Variants in DCBLD1 observed in about 807,000 individuals in gnomAD.
DCBLD1 encodes the protein discoidin, CUB and LCCL domain-containing protein 1.
A neutral mutation model predicts 71.5 loss-of-function variants in DCBLD1; 57 were observed. The ratio of observed to expected loss-of-function variants is 0.80; its 90% CI spans 0.64 to 0.99. DCBLD1 has a LOEUF of 0.99. Among genes scored for constraint, DCBLD1 ranks in the 50% least tolerant of loss-of-function variants. DCBLD1 has a pLI of 0.00. For synonymous variants in DCBLD1, 380 were observed against 363.8 expected, an observed-to-expected ratio of 1.04 and a Z score of -0.51; for missense variants, 891 against 923.5, an observed-to-expected ratio of 0.96 and a Z score of 0.46.
chr6:117,489,865 A>G (rs1403721631), intron 1 of DCBLD1, among the ~76,000 whole-genome samples: 1 of 152,216 alleles, frequency 6.6e-6, no homozygotes, highest in Non-Finnish European at 1.5e-5. Flanking sequence ...AGCCTGGGTG[A>G]CAGAGCGAGA....
chr6:117,519,586 A>G (rs1210367906), intron 2 of DCBLD1, among the ~76,000 whole-genome samples: 1 of 152,208 alleles, frequency 6.6e-6, no homozygotes, highest in African/African-American at 2.4e-5. Flanking sequence ...ACAGTTAACT[A>G]GTTCCAGCCT....
At chr6:117,527,963 CCTT>C (rs1174230048) in intron 5 of DCBLD1, among the ~76,000 whole-genome samples, 1 of 152,160 alleles carries the variant, frequency 6.6e-6, no homozygotes, top group African/African-American at 2.4e-5. Context: ...TCTCTTGGCA[CCTT>C]CTCCCCAGCC....
At position 117,489,072 on chromosome 6, in the gene DCBLD1, A is replaced by C. The variant is rs148920330; in HGVS notation, c.112+6179A>C. Among the ~76,000 whole-genome samples, 848 of 152,294 alleles carry C rather than the reference A, an allele frequency of 5.6e-3. 7 individuals carry two copies. The highest frequency in any genetic ancestry group is 0.019 in the African/African-American group (781 of 41,544). On this transcript the variant is annotated intron_variant, in intron 1 of 14. Transcript: ENST00000338728. Reference sequence around the variant, plus strand: ...TATTAGTCTGTTCTGTGTTGCTGTAAGGGAATATCTGAGGCTGGGAAATTT... The same window carrying C: ...TATTAGTCTGTTCTGTGTTGCTGTACGGGAATATCTGAGGCTGGGAAATTT...
At chr6:117,485,154 A>G (rs2114345209) in intron 1 of DCBLD1, 1 of 152,320 alleles carries the variant, frequency 6.6e-6, no homozygotes, top group African/African-American at 2.4e-5. Flanking sequence ...ATTTAGTCCA[A>G]ATTTATTACC....
At position 117,488,166 on chromosome 6, in the gene DCBLD1, C is replaced by T. The variant is rs1777155059; in HGVS notation, c.112+5273C>T. 2.6e-5 allele frequency among the ~76,000 whole-genome samples: 4 copies of T among 152,322 alleles called. No individual in the cohort carries two copies. In the South Asian group the frequency reaches 6.2e-4, roughly 24 times the overall value. ...TGAATCTCAGCCTCTTCTTTCACCGCTAGCACCCAGTACGGTGCCTGGCAC... is the reference window on the plus strand; with the variant it reads ...TGAATCTCAGCCTCTTCTTTCACCGTTAGCACCCAGTACGGTGCCTGGCAC... On this transcript the variant is annotated intron_variant, in intron 1 of 14. Transcript: ENST00000338728.
At chr6:117,566,945 A>G in intron 14 of DCBLD1, 1 of 1,611,974 alleles carries the variant, frequency 6.2e-7, no homozygotes, top group Non-Finnish European at 8.5e-7. Context: ...AACGGTAACG[A>G]TGTCCACTCT....
chr6:117,508,301 A>C (rs544179193), intron 2 of DCBLD1, among the ~76,000 whole-genome samples: 163 of 152,320 alleles, frequency 1.1e-3, no homozygotes, highest in African/African-American at 3.5e-3. Flanking sequence ...ATTTAAGATG[A>C]CTGCCTTGGT....
chr6:117,558,764 C>T (rs1383491764), intron 14 of DCBLD1, among the ~76,000 whole-genome samples: 2 of 152,112 alleles, frequency 1.3e-5, no homozygotes, highest in African/African-American at 2.4e-5. Context: ...ACCTAGGAGT[C>T]AAGGTTTTAG....
chr6:117,491,119 A>AT (rs1221941302), intron 1 of DCBLD1, among the ~76,000 whole-genome samples: 1 of 152,236 alleles, frequency 6.6e-6, no homozygotes, highest in Admixed American at 6.5e-5. Flanking sequence ...AGTGGATTTA[A>AT]TTCAGCCTTT....
intron 6 of DCBLD1, among the ~76,000 whole-genome samples, chr6:117,534,661 A>T (rs569961059): frequency 6.5e-4 from 99 of 152,232 alleles, no homozygotes; most frequent in African/African-American, 2.3e-3. Context: ...TTGAACAAAC[A>T]TTATTAAAAC....
intron 2 of DCBLD1, among the ~76,000 whole-genome samples, chr6:117,504,394 G>A (rs1582980888): frequency 6.6e-6 from 1 of 152,210 alleles, no homozygotes; most frequent in African/African-American, 2.4e-5. Flanking sequence ...TCTGTGGGGA[G>A]AGGAAGGCAG....
At chr6:117,492,025 T>C (rs1777309981) in intron 1 of DCBLD1, among the ~76,000 whole-genome samples, 1 of 152,328 alleles carries the variant, frequency 6.6e-6, no homozygotes, top group East Asian at 1.9e-4. Context: ...TTGCTCCACT[T>C]TTAGTGATGC....
chr6:117,561,149 A>G (rs1042134109), intron 14 of DCBLD1: 2 of 224,252 alleles, frequency 8.9e-6, no homozygotes, highest in Non-Finnish European at 1.8e-5. Flanking sequence ...GGAGTTTTAA[A>G]CTACCTGGAA....
chr6:117,510,326 A>AACACACACAGACACAGAC (rs573826870), intron 2 of DCBLD1, among the ~76,000 whole-genome samples: 1 of 150,766 alleles, frequency 6.6e-6, no homozygotes, highest in Non-Finnish European at 1.5e-5. Flanking sequence ...TGTCCCTTCT[A>AACACACACAGACACAGAC]ACACACACAG....
chr6:117,521,095 C>T (rs1244404254), intron 3 of DCBLD1, among the ~76,000 whole-genome samples: 3 of 152,218 alleles, frequency 2.0e-5, no homozygotes, highest in African/African-American at 7.2e-5. Context: ...AGATGTGCTT[C>T]TCTGTCACCA....
chr6:117,537,395 C>A (rs540149817), intron 7 of DCBLD1, among the ~76,000 whole-genome samples, 170 bp downstream of exon 7: 15 of 151,658 alleles, frequency 9.9e-5, no homozygotes, highest in Admixed American at 6.6e-5. Context: ...TTAGCCGGGC[C>A]TGGTGGGGGG....
chr6:117,546,500 T>A lies in DCBLD1; in HGVS notation c.1615+903T>A, dbSNP rs78717471. 2.1e-3 allele frequency among the ~76,000 whole-genome samples: 315 copies of A among 152,320 alleles called. 1 individual carries two copies. The East Asian group carries it at 0.043, about 21-fold the overall frequency. On this transcript the variant is annotated intron_variant, in intron 14 of 14. Coordinates refer to ENST00000338728, the MANE Select transcript of DCBLD1 (RefSeq NM_001366458.2). ...CCTAAGGGTTGGTTGAGTCACTTTG[T>A]GGACAAGGAGAGCATCCTCTGCAAC...
chr6:117,558,368 C>T (rs1282926891), intron 14 of DCBLD1, among the ~76,000 whole-genome samples: 2 of 152,186 alleles, frequency 1.3e-5, no homozygotes, highest in East Asian at 3.9e-4. Flanking sequence ...GTTGTTCTCC[C>T]ACATTTTTCA....
rs1433833768 is a variant in DCBLD1, at chr6:117,548,072, C to T, written c.1781C>T (p.Ala594Val). 3.2e-6 allele frequency: 5 copies of T among 1,548,614 alleles called. No homozygotes were observed. Among genetic ancestry groups the T allele is most frequent in the Non-Finnish European group, 2.6e-6 (3 of 1,145,942 alleles). ...CGCCACGAGTACGCGCTGCCCCTGG[C>T]GCCCCCGGAGCCCGAGTACGCCACG... The part of the protein sequence containing the change: ...AGRHEYALPL[A>V]PPEPEYATPI... Residue 594 changes from alanine to valine, a missense_variant, in exon 15 of 15, where the codon GCG becomes GTG. Physicochemically the swap from Ala to Val is moderately conservative, Grantham distance 64 (BLOSUM62 0). Coordinates refer to ENST00000338728, the MANE Select transcript of DCBLD1 (RefSeq NM_001366458.2).
Sources: gnomAD v4.1 joint callset for allele counts (sites outside exome capture counted in the v4.1 genomes callset) on GRCh38, gnomAD v4.1.1 for gene constraint, MANE v1.5 for transcripts, NCBI Gene and HGNC (gene_info 2026-07-23, HGNC 2026-07-21) for gene names.